IL1RAPL2: variants seen among roughly 807,000 people sequenced by gnomAD.
IL1RAPL2 encodes the protein interleukin 1 receptor accessory protein like 2, also known as X-linked interleukin-1 receptor accessory protein-like 2.
In IL1RAPL2, 3 loss-of-function variants were observed where a neutral mutation model predicts 44.1. That is an observed-to-expected ratio of 0.07 (90% CI 0.03 to 0.18). IL1RAPL2 has a LOEUF of 0.18. IL1RAPL2 is among the 10% of genes least tolerant of loss of function. IL1RAPL2 has a pLI of 1.00. For missense variants in IL1RAPL2, 391 were observed against 496.4 expected (o/e 0.79, Z 2.02); for synonymous variants, 181 against 178.8 (o/e 1.01, Z -0.10).
chrX:105,188,270 G>C (rs2033606642), intron 2 of IL1RAPL2, among the ~76,000 whole-genome samples: 1 of 110,999 alleles, frequency 9.0e-6, no homozygotes, highest in Non-Finnish European at 1.9e-5. Context: ...GAAGCTCACT[G>C]CTGAGCATCC....
intron 6 of IL1RAPL2, among the ~76,000 whole-genome samples, chrX:105,651,934 A>C (rs2037645169): frequency 1.8e-5 from 2 of 111,999 alleles, no homozygotes; most frequent in South Asian, 7.4e-4. Context: ...GTGATCCCAT[A>C]CAATGATATT....
At chrX:104,784,242 T>C (rs748903302) in intron 2 of IL1RAPL2, among the ~76,000 whole-genome samples, 4 of 112,468 alleles carry the variant, frequency 3.6e-5, no homozygotes, top group Non-Finnish European at 7.5e-5. Context: ...CTTAGCTTCA[T>C]GCAGCAGTGG....
chrX:104,698,084 C>T (rs776101805), intron 2 of IL1RAPL2, among the ~76,000 whole-genome samples: 23 of 112,540 alleles, frequency 2.0e-4, no homozygotes, highest in South Asian at 7.4e-4. Context: ...AGTTCCTTGA[C>T]GGCTGTTGGC....
intron 6 of IL1RAPL2, among the ~76,000 whole-genome samples, chrX:105,628,213 C>T (rs927228820): frequency 9.0e-6 from 1 of 110,657 alleles, no homozygotes; most frequent in Non-Finnish European, 1.9e-5. Context: ...TTTTAGGGTA[C>T]ATGTGCACAA....
chrX:104,658,411 A>G (rs984270832), intron 1 of IL1RAPL2, among the ~76,000 whole-genome samples: 1 of 112,108 alleles, frequency 8.9e-6, no homozygotes, highest in Non-Finnish European at 1.9e-5. Flanking sequence ...TGGGAATTGA[A>G]CAATGAGAAC....
chrX:104,775,765 C>A (rs1932708499), intron 2 of IL1RAPL2, among the ~76,000 whole-genome samples: 1 of 110,731 alleles, frequency 9.0e-6, no homozygotes, highest in Admixed American at 9.6e-5. Context: ...GGAATCCTGG[C>A]ATGTGTAATA....
intron 1 of IL1RAPL2, among the ~76,000 whole-genome samples, chrX:104,575,709 C>G (rs1443492963): frequency 9.0e-6 from 1 of 111,670 alleles, no homozygotes; most frequent in Non-Finnish European, 1.9e-5. Flanking sequence ...CTTGCCAGAT[C>G]CAAAAATACA....
chrX:105,470,969 C>T lies in IL1RAPL2; in HGVS notation c.698-13344C>T, dbSNP rs190651624. Among the ~76,000 whole-genome samples, 312 of 111,158 alleles carry T rather than the reference C, an allele frequency of 2.8e-3. 1 individual carries two copies. Among genetic ancestry groups the T allele is most frequent in the African/African-American group, 9.6e-3 (293 of 30,622 alleles). On this transcript the variant is annotated intron_variant, in intron 5 of 10. Coordinates refer to ENST00000372582, the MANE Select transcript of IL1RAPL2 (RefSeq NM_017416.2). ...CATTGGTGTACCTATTAGGTTGGTG[C>T]GAAAGTTATTGTGAAATTACTTTTG...
At chrX:105,653,276 A>C (rs1363709768) in intron 6 of IL1RAPL2, among the ~76,000 whole-genome samples, 1 of 111,654 alleles carries the variant, frequency 9.0e-6, no homozygotes, top group Non-Finnish European at 1.9e-5. Context: ...ATAAAAATGC[A>C]TGAGAATGTG....
intron 6 of IL1RAPL2, among the ~76,000 whole-genome samples, chrX:105,534,063 T>G (rs191198820): frequency 8.9e-6 from 1 of 112,376 alleles, no homozygotes; most frequent in Admixed American, 9.5e-5. Flanking sequence ...ATCAAAGATA[T>G]ACCTTCAAAG....
intron 6 of IL1RAPL2, among the ~76,000 whole-genome samples, chrX:105,506,278 G>T: frequency 9.0e-6 from 1 of 111,352 alleles, no homozygotes; most frequent in Non-Finnish European, 1.9e-5. Context: ...TGATGCCATG[G>T]GTGTCCAGGT....
chrX:104,710,404 T>C (rs1226995992), intron 2 of IL1RAPL2, among the ~76,000 whole-genome samples: 1 of 111,383 alleles, frequency 9.0e-6, no homozygotes, highest in African/African-American at 3.2e-5. Flanking sequence ...TCCACTTATA[T>C]GAAAATCCAG....
intron 2 of IL1RAPL2, among the ~76,000 whole-genome samples, chrX:105,149,502 A>G (rs1027378117): frequency 9.0e-6 from 1 of 111,235 alleles, no homozygotes; most frequent in Non-Finnish European, 1.9e-5. Context: ...TGTTGTGGAG[A>G]TCAAATGAGA....
intron 5 of IL1RAPL2, among the ~76,000 whole-genome samples, chrX:105,405,189 AAGTT>A (rs2035634248): frequency 2.7e-5 from 3 of 111,742 alleles, no homozygotes; most frequent in Admixed American, 9.5e-5. Flanking sequence ...ATAATAAAAT[AAGTT>A]AGATAATGAA....
intron 2 of IL1RAPL2, among the ~76,000 whole-genome samples, chrX:105,027,390 A>G (rs2031392608): frequency 9.0e-6 from 1 of 111,727 alleles, no homozygotes; most frequent in Non-Finnish European, 1.9e-5. Flanking sequence ...GAGACAACCC[A>G]CAGAATGGGA....
At chrX:105,072,885 T>A in intron 2 of IL1RAPL2, among the ~76,000 whole-genome samples, 1 of 108,886 alleles carries the variant, frequency 9.2e-6, no homozygotes, top group African/African-American at 3.4e-5. Flanking sequence ...AGCTCCTACT[T>A]ACGAGTGAGA....
chrX:104,576,616 A>C (rs1305238965), intron 1 of IL1RAPL2, among the ~76,000 whole-genome samples: 2 of 112,072 alleles, frequency 1.8e-5, no homozygotes, highest in African/African-American at 6.5e-5. Context: ...AAAACCTCTG[A>C]AACTTTTGCT....
At chrX:105,538,456 G>C (rs2036695983) in intron 6 of IL1RAPL2, among the ~76,000 whole-genome samples, 1 of 110,984 alleles carries the variant, frequency 9.0e-6, no homozygotes, top group Non-Finnish European at 1.9e-5. Context: ...ACATTTTACA[G>C]AAAGACACAA....
chrX:105,156,250 AG>A (rs1320100028), intron 2 of IL1RAPL2, among the ~76,000 whole-genome samples: 4 of 111,510 alleles, frequency 3.6e-5, no homozygotes, highest in Non-Finnish European at 7.5e-5. Context: ...TCATCCTCTT[AG>A]GGGGCTTGGA....
Sources: gnomAD v4.1 joint callset for allele counts (sites outside exome capture counted in the v4.1 genomes callset) on GRCh38, gnomAD v4.1.1 for gene constraint, MANE v1.5 for transcripts, NCBI Gene and HGNC (gene_info 2026-07-23, HGNC 2026-07-21) for gene names.